Variants in RALYL observed in about 807,000 individuals in gnomAD.
RALYL encodes the protein RALY RNA binding protein like.
In RALYL, 29 loss-of-function variants were observed where a neutral mutation model predicts 35.1. The observed-to-expected ratio is 0.83, with a 90% CI of 0.61 to 1.13. RALYL has a LOEUF of 1.13. Ranked by LOEUF, RALYL falls within the 50% of genes most tolerant of loss-of-function variation. The pLI, the probability that RALYL is intolerant of heterozygous loss-of-function variation, is 0.00. For missense variants in RALYL, 359 were observed against 360.4 expected (o/e 1.00, Z 0.03); for synonymous variants, 120 against 127.6 (o/e 0.94, Z 0.40).
At chr8:84,773,061 A>G (rs1815933692) in intron 2 of RALYL, among the ~76,000 whole-genome samples, 1 of 152,118 alleles carries the variant, frequency 6.6e-6, no homozygotes, top group Non-Finnish European at 1.5e-5. Context: ...GTTGAATCAG[A>G]TGATTTTATG....
intron 2 of RALYL, among the ~76,000 whole-genome samples, chr8:84,763,619 G>T (rs2634057): frequency 0.27 from 40,793 of 151,902 alleles, 5,875 homozygotes; most frequent in African/African-American, 0.35. Flanking sequence ...TCTATTCATT[G>T]GGTTTCTATA....
At chr8:84,716,817 T>C (rs1843004952) in intron 2 of RALYL, among the ~76,000 whole-genome samples, 1 of 152,090 alleles carries the variant, frequency 6.6e-6, no homozygotes, top group African/African-American at 2.4e-5. Flanking sequence ...GATTTTGAAA[T>C]AAAAACAAAT....
intron 1 of RALYL, among the ~76,000 whole-genome samples, chr8:84,208,033 C>T (rs1442193213): frequency 2.6e-5 from 4 of 152,168 alleles, no homozygotes; most frequent in South Asian, 2.1e-4. Context: ...TCTTTAGCTG[C>T]AGAGTTCTAT....
At chr8:84,223,821 A>C (rs1823136148) in intron 1 of RALYL, among the ~76,000 whole-genome samples, 1 of 152,208 alleles carries the variant, frequency 6.6e-6, no homozygotes, top group African/African-American at 2.4e-5. Context: ...GAATGTGTGA[A>C]GATCATTAAA....
intron 2 of RALYL, among the ~76,000 whole-genome samples, chr8:84,531,219 G>A (rs1237340269): frequency 1.3e-5 from 2 of 152,082 alleles, no homozygotes; most frequent in South Asian, 2.1e-4. Context: ...AATCAAGCTA[G>A]GAGAGTGTTA....
chr8:84,467,229 G>A (rs1045859207), intron 1 of RALYL, among the ~76,000 whole-genome samples: 2 of 152,020 alleles, frequency 1.3e-5, no homozygotes, highest in Non-Finnish European at 2.9e-5. Context: ...TTTTAATTGT[G>A]ATGTTAGGGT....
chr8:84,368,612 G>T (rs112047378), intron 1 of RALYL, among the ~76,000 whole-genome samples: 3 of 152,114 alleles, frequency 2.0e-5, no homozygotes, highest in African/African-American at 4.8e-5. Flanking sequence ...CACGTCTCAC[G>T]TGGCAGCAGA....
rs574196288 is a variant in RALYL, at chr8:84,383,476, G to C, written c.-23-145823G>C. On this transcript the variant is annotated intron_variant, in intron 1 of 8. Coordinates refer to ENST00000521268, the MANE Select transcript of RALYL (RefSeq NM_173848.7). ...ATTGGAGGGTATAGGAGGCTCCAGA[G>C]CTTATTAAAAAAGAAAAGAGTATGT... Among the ~76,000 whole-genome samples the C allele has an allele frequency of 2.0e-5, 3 of 151,596 alleles. No individual in the cohort carries two copies. In the South Asian group the frequency reaches 6.2e-4, roughly 31 times the overall value.
chr8:84,670,546 G>T (rs958421882), intron 2 of RALYL, among the ~76,000 whole-genome samples: 2 of 152,192 alleles, frequency 1.3e-5, no homozygotes, highest in African/African-American at 4.8e-5. Flanking sequence ...AGGTTTAATG[G>T]ACTCATATTT....
intron 1 of RALYL, among the ~76,000 whole-genome samples, chr8:84,422,077 AG>A (rs999713874): frequency 7.9e-5 from 12 of 151,636 alleles, no homozygotes; most frequent in African/African-American, 1.7e-4. Flanking sequence ...TGAGTTAGGG[AG>A]GATTCCCTCT....
intron 1 of RALYL, among the ~76,000 whole-genome samples, chr8:84,325,862 G>A (rs1845698811): frequency 6.6e-6 from 1 of 152,168 alleles, no homozygotes; most frequent in African/African-American, 2.4e-5. Flanking sequence ...GGGTGCAGTG[G>A]CTCATGCCTG....
At chr8:84,470,232 T>G (rs2052531644) in intron 1 of RALYL, among the ~76,000 whole-genome samples, 1 of 152,172 alleles carries the variant, frequency 6.6e-6, no homozygotes, top group African/African-American at 2.4e-5. Flanking sequence ...TCCACTTGCA[T>G]AGAATATAGA....
chr8:84,298,373 A>G (rs758953807), intron 1 of RALYL, among the ~76,000 whole-genome samples: 4 of 151,670 alleles, frequency 2.6e-5, no homozygotes, highest in African/African-American at 4.8e-5. Context: ...TGCACTTTCT[A>G]TTCGGTTCCA....
In RALYL at chr8:84,571,792, G is replaced by A. The variant is rs1232856375; in HGVS notation, c.256+42215G>A. ...AGTAGCCCTTTTGTTTTATTCCAGA[G>A]GTTTTTGTTTATAGTTTGTCTATTT... On this transcript the variant is annotated intron_variant, in intron 2 of 8. Coordinates refer to ENST00000521268, the MANE Select transcript of RALYL (RefSeq NM_173848.7). Among the ~76,000 whole-genome samples the A allele has an allele frequency of 4.6e-5, 7 of 151,574 alleles. No homozygotes were observed. In the East Asian group the frequency reaches 7.7e-4, roughly 17 times the overall value.
intron 8 of RALYL, among the ~76,000 whole-genome samples, chr8:84,919,784 T>C (rs1183269370): frequency 6.6e-6 from 1 of 152,112 alleles, no homozygotes; most frequent in Non-Finnish European, 1.5e-5. Context: ...GTGGGTATGT[T>C]TTGTTTTAGA....
intron 1 of RALYL, among the ~76,000 whole-genome samples, chr8:84,287,686 A>G (rs552975005): frequency 6.6e-6 from 1 of 152,252 alleles, no homozygotes; most frequent in Non-Finnish European, 1.5e-5. Context: ...CTGTGGACAC[A>G]TGGGAGTAAG....
intron 6 of RALYL, among the ~76,000 whole-genome samples, chr8:84,865,770 AT>A (rs1839068241): frequency 6.6e-6 from 1 of 152,246 alleles, no homozygotes; most frequent in Non-Finnish European, 1.5e-5. Context: ...TTAAATTCTA[AT>A]GTCTAACAAG....
chr8:84,431,707 T>C (rs2047166312), intron 1 of RALYL, among the ~76,000 whole-genome samples: 1 of 152,148 alleles, frequency 6.6e-6, no homozygotes, highest in African/African-American at 2.4e-5. Flanking sequence ...GGTTCATTCA[T>C]GGTGAGGCAA....
chr8:84,263,762 C>T (rs760720765), intron 1 of RALYL, among the ~76,000 whole-genome samples: 7 of 151,976 alleles, frequency 4.6e-5, no homozygotes, highest in Non-Finnish European at 8.8e-5. Flanking sequence ...TATCCTTCCC[C>T]GACCTCACCC....
Sources: allele counts gnomAD v4.1 joint callset (sites outside exome capture counted in the v4.1 genomes callset), GRCh38; gene constraint gnomAD v4.1.1; transcripts MANE v1.5; gene names NCBI Gene and HGNC (gene_info 2026-07-23, HGNC 2026-07-21).